Variants in LRRC28 observed in about 807,000 individuals in gnomAD.
The protein encoded by LRRC28 is leucine-rich repeat-containing protein 28.
A neutral mutation model predicts 45.7 loss-of-function variants in LRRC28; 39 were observed. The ratio of observed to expected loss-of-function variants is 0.85; its 90% CI spans 0.66 to 1.12. The LOEUF is 1.12. LRRC28 is among the 50% of genes most tolerant of loss of function. LRRC28 has a pLI of 0.00. For synonymous variants in LRRC28, 206 were observed against 178.8 expected, an observed-to-expected ratio of 1.15 and a Z score of -1.22; for missense variants, 435 against 438.5, an observed-to-expected ratio of 0.99 and a Z score of 0.07.
intron 5 of LRRC28, among the ~76,000 whole-genome samples, chr15:99,324,486 T>C (rs1009484894): frequency 1.3e-5 from 2 of 152,154 alleles, no homozygotes; most frequent in African/African-American, 4.8e-5. Flanking sequence ...TCATTGACTC[T>C]CTGTGGTCAC....
chr15:99,259,505 A>C lies in LRRC28; in HGVS notation c.168+3380A>C, dbSNP rs1298116934. The C allele has an allele frequency of 7.7e-6, 9 of 1,163,694 alleles. No homozygotes were observed. In the African/African-American group the frequency reaches 1.2e-4, roughly 16 times the overall value. 72.1% of individuals were successfully genotyped at this position (1,163,694 alleles called of 1,614,324 possible). On this transcript the variant is annotated intron_variant, in intron 2 of 9. Coordinates refer to ENST00000301981, the MANE Select transcript of LRRC28 (RefSeq NM_144598.5). Reference sequence around the variant, plus strand: ...GAAAGATAAAGCCATTAAGGACAAGATTGAAAAGGCTATGGTATCTCAGTG... The same window carrying C: ...GAAAGATAAAGCCATTAAGGACAAGCTTGAAAAGGCTATGGTATCTCAGTG...
chr15:99,274,306 T>C (rs1307953237), intron 2 of LRRC28, among the ~76,000 whole-genome samples: 1 of 152,218 alleles, frequency 6.6e-6, no homozygotes, highest in Non-Finnish European at 1.5e-5. Context: ...AGTATGCCAG[T>C]ATGACATTAA....
chr15:99,259,206 T>C, intron 2 of LRRC28: 1 of 1,100,584 alleles, frequency 9.1e-7, no homozygotes. Context: ...GTTGAAAGAA[T>C]GAAGGAAAAA....
chr15:99,256,892 T>A (rs2081038452), intron 2 of LRRC28, among the ~76,000 whole-genome samples: 2 of 152,258 alleles, frequency 1.3e-5, no homozygotes, highest in South Asian at 4.1e-4. Context: ...TATGGCCTTT[T>A]CTGGTTATCA....
At chr15:99,313,453 A>G (rs1394898229) in intron 5 of LRRC28, among the ~76,000 whole-genome samples, 1 of 152,032 alleles carries the variant, frequency 6.6e-6, no homozygotes, top group Non-Finnish European at 1.5e-5. Flanking sequence ...CACTCAACAC[A>G]AGCAGAAGGC....
rs931028911 is a variant in LRRC28, at chr15:99,271,643, C to G, written c.169-4933C>G. 4.6e-5 allele frequency among the ~76,000 whole-genome samples: 7 copies of G among 152,148 alleles called. No homozygotes were observed. The South Asian group carries it at 1.5e-3, about 32-fold the overall frequency. ...ATGGAGTCTCACTCTGTTGCCCAAG[C>G]TGGAGTACAGTGGCGTGATCTCAGC... On this transcript the variant is annotated intron_variant, in intron 2 of 9. Coordinates refer to ENST00000301981, the MANE Select transcript of LRRC28 (RefSeq NM_144598.5).
intron 7 of LRRC28, among the ~76,000 whole-genome samples, chr15:99,357,880 G>A (rs760022289): frequency 6.6e-6 from 1 of 151,942 alleles, no homozygotes; most frequent in Non-Finnish European, 1.5e-5. Flanking sequence ...AAATGATGAT[G>A]TATTCAAACT....
chr15:99,289,202 G>A (rs778742020), intron 5 of LRRC28, among the ~76,000 whole-genome samples: 5 of 151,998 alleles, frequency 3.3e-5, no homozygotes, highest in South Asian at 2.1e-4. Context: ...GTGAATCCAC[G>A]TATTAGCAAA....
chr15:99,268,804 T>C (rs1039533824), intron 2 of LRRC28, among the ~76,000 whole-genome samples: 6 of 152,228 alleles, frequency 3.9e-5, no homozygotes, highest in African/African-American at 1.2e-4. Context: ...GCTTTGAAAA[T>C]TGCATTTATA....
chr15:99,367,771 G>A (rs1033653631), intron 9 of LRRC28, among the ~76,000 whole-genome samples: 1 of 152,124 alleles, frequency 6.6e-6, no homozygotes, highest in African/African-American at 2.4e-5. Flanking sequence ...CTATCCCAGA[G>A]CTCTCCAAAC....
chr15:99,290,990 C>A (rs563536751), intron 5 of LRRC28, among the ~76,000 whole-genome samples: 22 of 152,188 alleles, frequency 1.4e-4, no homozygotes, highest in African/African-American at 5.3e-4. Flanking sequence ...AAAAACAATT[C>A]TGTGATAAAC....
intron 5 of LRRC28, chr15:99,332,055 C>T (rs1179097096): frequency 6.6e-6 from 1 of 152,204 alleles, no homozygotes; most frequent in African/African-American, 2.4e-5. Flanking sequence ...TCTTCTCTCC[C>T]ACATAGTCAT....
chr15:99,307,285 C>A (rs1245858421), intron 5 of LRRC28, among the ~76,000 whole-genome samples: 1 of 152,152 alleles, frequency 6.6e-6, no homozygotes, highest in Non-Finnish European at 1.5e-5. Context: ...CAGTGCAGAA[C>A]AAAGTGGATT....
At chr15:99,319,295 C>T (rs1476474814) in intron 5 of LRRC28, among the ~76,000 whole-genome samples, 2 of 151,942 alleles carry the variant, frequency 1.3e-5, no homozygotes, top group Non-Finnish European at 2.9e-5. Context: ...AATTGACCAT[C>T]GCTAAAATAA....
intron 5 of LRRC28, among the ~76,000 whole-genome samples, chr15:99,320,320 A>C (rs1955750999): frequency 6.6e-6 from 1 of 152,206 alleles, no homozygotes; most frequent in South Asian, 2.1e-4. Flanking sequence ...TACTAAATAT[A>C]ACCTGCCACA....
At position 99,387,123 on chromosome 15, in the gene LRRC28, GGA is replaced by G. The variant is rs1958028180; in HGVS notation, c.*1022_*1023del. ...TCGCCCAGGCTGGAGTGCAGTGGCGGGATCTCGGCTCACTGCAAGCTCCGCCT... is the reference window on the plus strand; with the variant it reads ...TCGCCCAGGCTGGAGTGCAGTGGCGGTCTCGGCTCACTGCAAGCTCCGCCT... On this transcript the variant is annotated 3_prime_UTR_variant, in exon 10 of 10. Transcript: ENST00000301981. The G allele has an allele frequency of 6.8e-6, 1 of 148,084 alleles. No homozygotes were observed. The allele number at this position is 148,084 out of a possible 1,614,324, so 9.2% of individuals were successfully genotyped here. A position where few individuals can be genotyped will look rare whatever the true frequency, so the allele number is the denominator to read the frequency against.
At chr15:99,350,061 G>A (rs1010684113) in intron 6 of LRRC28, among the ~76,000 whole-genome samples, 20 of 151,182 alleles carry the variant, frequency 1.3e-4, no homozygotes, top group African/African-American at 4.6e-4. Flanking sequence ...GCGTGAACCC[G>A]GGAAGCGGAG....
intron 8 of LRRC28, 103 bp downstream of exon 8, chr15:99,361,614 G>A: frequency 8.6e-7 from 1 of 1,159,014 alleles, no homozygotes; most frequent in Non-Finnish European, 1.2e-6. Context: ...AATTATTGTG[G>A]TAAAATACAC....
intron 5 of LRRC28, among the ~76,000 whole-genome samples, chr15:99,327,847 G>A (rs998801793): frequency 2.6e-5 from 4 of 151,954 alleles, no homozygotes; most frequent in Admixed American, 6.6e-5. Flanking sequence ...ATAGGCATTC[G>A]AAGCTTTAAA....
Sources: allele counts gnomAD v4.1 joint callset (sites outside exome capture counted in the v4.1 genomes callset), GRCh38; gene constraint gnomAD v4.1.1; transcripts MANE v1.5; gene names NCBI Gene and HGNC (gene_info 2026-07-23, HGNC 2026-07-21).